Variants in TMEM8B observed in about 807,000 individuals in gnomAD.
TMEM8B encodes the protein nasopharyngeal carcinoma expressed 6.
TMEM8B carries 29 observed loss-of-function variants against 49.3 expected under a neutral mutation model. That is an observed-to-expected ratio of 0.59 (90% confidence interval 0.44 to 0.80). TMEM8B has a LOEUF of 0.80. Among genes scored for constraint, TMEM8B ranks in the 30% least tolerant of loss-of-function variants. The pLI is 0.00. For synonymous variants in TMEM8B, 264 were observed against 272.8 expected (o/e 0.97, Z 0.32); for missense variants, 575 against 658.5 (o/e 0.87, Z 1.39).
At chr9:35,837,141 T>A (rs948716509) in intron 3 of TMEM8B, among the ~76,000 whole-genome samples, 3 of 152,020 alleles carry the variant, frequency 2.0e-5, no homozygotes, top group African/African-American at 7.3e-5. Flanking sequence ...GGGTTTAGGG[T>A]TATCCTTTGG....
rs4879931 is a variant in TMEM8B at position 35,858,453 on chromosome 9, A to G, written c.*4613A>G. On this transcript the variant is annotated 3_prime_UTR_variant, in exon 13 of 13. Coordinates refer to ENST00000643932, the MANE Select transcript of TMEM8B (RefSeq NM_001042590.4). ...GGCCAACCCTAACCCACACCCTCTA[A>G]CCTAGTTTGGTTGACTCAGTATAAA... 0.23 allele frequency: 34,537 copies of G among 152,062 alleles called. 4,868 individuals are homozygous for G. The highest frequency in any genetic ancestry group is 0.31 in the Non-Finnish European group (21,129 of 67,994). The allele number at this position is 152,062 out of a possible 1,614,324, so 9.4% of individuals were successfully genotyped here. A position where few individuals can be genotyped will look rare whatever the true frequency, so the allele number is the denominator to read the frequency against.
rs907147644 is a variant in TMEM8B, at chr9:35,858,220, T to C, written c.*4380T>C. The C allele has an allele frequency of 6.6e-6, 1 of 151,796 alleles. No homozygotes were observed. The highest frequency in any genetic ancestry group is 1.5e-5 in the Non-Finnish European group (1 of 68,028). The allele number at this position is 151,796 out of a possible 1,614,324, so 9.4% of individuals were successfully genotyped here. ...CCCAAGTTCAAGCGATCCTCCCTAG[T>C]AGCTGGGATTACAGGTGCACCACCA... On this transcript the variant is annotated 3_prime_UTR_variant, in exon 13 of 13. Transcript: ENST00000643932.
chr9:35,835,283 C>G, intron 3 of TMEM8B, 65 bp downstream of exon 3: 1 of 411,026 alleles, frequency 2.4e-6, no homozygotes, highest in Non-Finnish European at 4.4e-6. Flanking sequence ...GAATTCCCCC[C>G]ACAGGCTCTC....
Position 35,860,429 on chromosome 9 carries a change from C to T in TMEM8B, c.*6589C>T, listed in dbSNP as rs1475107863. On this transcript the variant is annotated 3_prime_UTR_variant, in exon 13 of 13. Transcript: ENST00000643932. ...TAAGTACCTATTCTGTGCTAGGTAT[C>T]AGGTGCTGGGGCTATAGCAGTAAGG... 1 of 152,200 alleles carries T rather than the reference C, an allele frequency of 6.6e-6. No homozygotes were observed. Among genetic ancestry groups the T allele is most frequent in the South Asian group, 2.1e-4 (1 of 4,830 alleles). 9.4% of individuals were successfully genotyped at this position (152,200 alleles called of 1,614,324 possible). A position where few individuals can be genotyped will look rare whatever the true frequency, so the allele number is the denominator to read the frequency against.
intron 9 of TMEM8B, 26 bp from the exon 10 acceptor site, chr9:35,846,791 C>G (rs749646390): frequency 1.2e-6 from 2 of 1,601,800 alleles, no homozygotes; most frequent in East Asian, 2.2e-5. Flanking sequence ...CTGTTCTCTT[C>G]CATTCTGTGC....
chr9:35,829,374 T>G lies in TMEM8B; in HGVS notation c.-74T>G, dbSNP rs2132174625. 4 of 368,026 alleles carry G rather than the reference T, an allele frequency of 1.1e-5. No homozygotes were observed. The highest frequency in any genetic ancestry group is 2.7e-4 in the South Asian group (2 of 7,356). The allele number at this position is 368,026 out of a possible 1,614,324, so 22.8% of individuals were successfully genotyped here. A position where few individuals can be genotyped will look rare whatever the true frequency, so the allele number is the denominator to read the frequency against. Reference sequence around the variant, plus strand: ...GACACCGGAGGCCACCCCCCGGGGGTGGGGAGCGGAGCCGCGGGCCAGCTC... The same window carrying G: ...GACACCGGAGGCCACCCCCCGGGGGGGGGGAGCGGAGCCGCGGGCCAGCTC... On this transcript the variant is annotated 5_prime_UTR_variant, in exon 1 of 13. Coordinates refer to ENST00000643932, the MANE Select transcript of TMEM8B (RefSeq NM_001042590.4).
In TMEM8B at chr9:35,846,339, C is replaced by T. The variant is rs1402357216; in HGVS notation, c.1811C>T (p.Thr604Ile). 1 of 1,614,116 alleles carries T rather than the reference C, an allele frequency of 6.2e-7. No homozygotes were observed. Among genetic ancestry groups the T allele is most frequent in the Admixed American group, 1.7e-5 (1 of 60,032 alleles). The change falls in exon 8 of 13, where the codon ACC becomes ATC. Residue 604 changes from threonine to isoleucine, a missense_variant. By Grantham distance (89) the Thr-to-Ile change is moderately conservative. Coordinates refer to ENST00000643932, the MANE Select transcript of TMEM8B (RefSeq NM_001042590.4). Reference protein sequence around the residue: ...RLRIPFPQTGTWFLALRSLCG... With the variant: ...RLRIPFPQTGIWFLALRSLCG... ...CGAATCCCATTCCCGCAGACGGGGA[C>T]CTGGTTCCTGGCCCTCCGCTCCCTG...
At position 35,848,127 on chromosome 9, in the gene TMEM8B, A is replaced by C. The variant is rs78989189; in HGVS notation, c.2175+1132A>C. 3.0e-3 allele frequency among the ~76,000 whole-genome samples: 455 copies of C among 152,180 alleles called. 2 individuals carry two copies. Among genetic ancestry groups the C allele is most frequent in the African/African-American group, 0.01 (430 of 41,428 alleles). On this transcript the variant is annotated intron_variant, in intron 10 of 12. Coordinates refer to ENST00000643932, the MANE Select transcript of TMEM8B (RefSeq NM_001042590.4). ...TTCTCATCTGGGAGAAAGCAGGGGC[A>C]AATGTGCTGAAACTGAGGGGCCTGG...
chr9:35,845,685 G>A, intron 6 of TMEM8B: 1 of 985,392 alleles, frequency 1.0e-6, no homozygotes, highest in South Asian at 4.7e-5. Context: ...TGAAAAAGAG[G>A]GTGTTCTCTC....
In TMEM8B at chr9:35,857,089, C is replaced by G. The variant is rs940843868; in HGVS notation, c.*3249C>G. ...CCCTTGCATGTATCTGTACATACGA[C>G]TGGACTGAGACCCCTGAGCACTTGC... On this transcript the variant is annotated 3_prime_UTR_variant, in exon 13 of 13. Transcript: ENST00000643932. 1 of 152,266 alleles carries G rather than the reference C, an allele frequency of 6.6e-6. No homozygotes were observed. The highest frequency in any genetic ancestry group is 2.4e-5 in the African/African-American group (1 of 41,456). 9.4% of individuals were successfully genotyped at this position (152,266 alleles called of 1,614,324 possible).
chr9:35,841,786 G>A lies in TMEM8B; in HGVS notation c.1301G>A (p.Arg434Gln), dbSNP rs2236293. 160,964 of 415,708 alleles carry A rather than the reference G, an allele frequency of 0.39. 32,302 individuals are homozygous for A. The highest frequency in any genetic ancestry group is 0.54 in the Middle Eastern group (1,747 of 3,226). The allele number at this position is 415,708 out of a possible 1,614,324, so 25.8% of individuals were successfully genotyped here. Residue 434 changes from arginine (R) to glutamine (Q), a missense_variant, in exon 5 of 13, where the codon CGG becomes CAG. Transcript: ENST00000643932. The surrounding 1 kb of genome is among the most constrained non-coding windows in gnomAD (Gnocchi z 5.9). ...GRTIRFQLCV[R>Q]LQECPQPGLL... ...ACCATCCGCTTCCAGCTGTGTGTGC[G>A]GTTGCAAGGTCAGAACCCCTGCATT...
intron 6 of TMEM8B, 72 bp from the exon 7 acceptor site, chr9:35,845,903 T>G: frequency 6.2e-7 from 1 of 1,607,312 alleles, no homozygotes; most frequent in African/African-American, 1.3e-5. Context: ...TTAACAGGGG[T>G]GGGAGTCTGA....
At position 35,829,334 on chromosome 9, in the gene TMEM8B, C is replaced by T. The variant is rs572287590; in HGVS notation, c.-114C>T. 3.8e-5 allele frequency: 14 copies of T among 371,970 alleles called. 1 individual carries two copies. In the South Asian group the frequency reaches 1.5e-3, roughly 40 times the overall value. 23.0% of individuals were successfully genotyped at this position (371,970 alleles called of 1,614,324 possible). ...CTCCTACCCAGGTCCCCGGCCCCCGCCCCGGGCCCGCGAGGACACCGGAGG... is the reference window on the plus strand; with the variant it reads ...CTCCTACCCAGGTCCCCGGCCCCCGTCCCGGGCCCGCGAGGACACCGGAGG... On this transcript the variant is annotated 5_prime_UTR_variant, in exon 1 of 13. Coordinates refer to ENST00000643932, the MANE Select transcript of TMEM8B (RefSeq NM_001042590.4).
chr9:35,863,366 A>G lies in TMEM8B; in HGVS notation c.*9526A>G, dbSNP rs1832681815. 1 of 152,196 alleles carries G rather than the reference A, an allele frequency of 6.6e-6. No individual in the cohort carries two copies. Among genetic ancestry groups the G allele is most frequent in the South Asian group, 2.1e-4 (1 of 4,834 alleles). 9.4% of individuals were successfully genotyped at this position (152,196 alleles called of 1,614,324 possible). On this transcript the variant is annotated 3_prime_UTR_variant, in exon 13 of 13. Coordinates refer to ENST00000643932, the MANE Select transcript of TMEM8B (RefSeq NM_001042590.4). ...TGGTGGGTTTTCCTCACAACTTAAA[A>G]GTCTGATCGTAACACATTCATGGAA...
chr9:35,846,362 C>G lies in TMEM8B; in HGVS notation c.1834C>G (p.Leu612Val). ...GACCTGGTTCCTGGCCCTCCGCTCC[C>G]TGTGCGGGGTGGGGCCTCGGTGAGC... is the stretch of plus-strand genomic sequence containing the variant. ...TGTWFLALRS[L>V]CGVGPRFVRC... The change falls in exon 8 of 13, where the codon CTG (leucine) becomes GTG (valine). Residue 612 changes from leucine (L) to valine (V), a missense_variant. Coordinates refer to ENST00000643932, the MANE Select transcript of TMEM8B (RefSeq NM_001042590.4). The G allele has an allele frequency of 6.2e-7, 1 of 1,613,654 alleles. No individual in the cohort carries two copies. Among genetic ancestry groups the G allele is most frequent in the African/African-American group, 1.3e-5 (1 of 75,068 alleles).
rs1832673343 is a variant in TMEM8B at position 35,862,722 on chromosome 9, C to A, written c.*8882C>A. 6.6e-6 allele frequency: 1 copy of A among 152,262 alleles called. No individual in the cohort carries two copies. The highest frequency in any genetic ancestry group is 2.1e-4 in the South Asian group (1 of 4,828). 9.4% of individuals were successfully genotyped at this position (152,262 alleles called of 1,614,324 possible). A position where few individuals can be genotyped will look rare whatever the true frequency, so the allele number is the denominator to read the frequency against. Reference sequence around the variant, plus strand: ...CTCATCCTTCAAGGCTCAGTTCACACACCACTGTCTCGTGCAGCCTTCTCT... The same window carrying A: ...CTCATCCTTCAAGGCTCAGTTCACAAACCACTGTCTCGTGCAGCCTTCTCT... On this transcript the variant is annotated 3_prime_UTR_variant, in exon 13 of 13. Coordinates refer to ENST00000643932, the MANE Select transcript of TMEM8B (RefSeq NM_001042590.4).
At position 35,846,460 on chromosome 9, in the gene TMEM8B, TG is replaced by T. The variant is rs1256855992; in HGVS notation, c.1854-8del. The T allele has an allele frequency of 1.3e-6, 2 of 1,597,508 alleles. No individual in the cohort carries two copies. The highest frequency in any genetic ancestry group is 1.7e-6 in the Non-Finnish European group (2 of 1,171,456). On this transcript the variant is annotated splice_polypyrimidine_tract_variant and splice_region_variant and intron_variant, in intron 8 of 12. Coordinates refer to ENST00000643932, the MANE Select transcript of TMEM8B (RefSeq NM_001042590.4). ...CCGGGGCCCCAGGTGACTGCGAGTT[TG>T]TGCGCAGGTTCGTGCGGTGCCGCAA...
chr9:35,846,964 C>T lies in TMEM8B; in HGVS notation c.2144C>T (p.Ala715Val), dbSNP rs765536507. The change falls in exon 10 of 13, where the codon GCA becomes GTA. Residue 715 changes from alanine to valine, a missense_variant. Coordinates refer to ENST00000643932, the MANE Select transcript of TMEM8B (RefSeq NM_001042590.4). ...AIRSRYVLEA[A>V]VYTFTMFFST... is the part of the protein sequence containing the mutation. Reference sequence around the variant, plus strand: ...CGGAGTCGATATGTGCTGGAAGCTGCAGTCTACACCTTCACCATGTTCTTC... The same window carrying T: ...CGGAGTCGATATGTGCTGGAAGCTGTAGTCTACACCTTCACCATGTTCTTC... The T allele has an allele frequency of 1.1e-5, 18 of 1,614,104 alleles. No individual in the cohort carries two copies. The African/African-American group carries it at 2.0e-4, about 18-fold the overall frequency.
intron 9 of TMEM8B, 30 bp downstream of exon 9, chr9:35,846,641 G>A (rs1831612351): frequency 6.4e-7 from 1 of 1,571,462 alleles, no homozygotes; most frequent in Non-Finnish European, 8.6e-7. Flanking sequence ...AGCGGGCTGC[G>A]GTGGACTGGA....
Sources: allele counts gnomAD v4.1 joint callset (sites outside exome capture counted in the v4.1 genomes callset), GRCh38; gene constraint gnomAD v4.1.1; non-coding constraint Gnocchi (gnomAD v3.1); transcripts MANE v1.5; gene names NCBI Gene and HGNC (gene_info 2026-07-23, HGNC 2026-07-21).